Variants in OTOG observed in about 807,000 individuals in gnomAD.
OTOG encodes the protein otogelin.
In OTOG, 296 loss-of-function variants were observed where a neutral mutation model predicts 313.8. That is an observed-to-expected ratio of 0.94 (90% CI 0.86 to 1.04). OTOG has a LOEUF of 1.04. Among genes scored for constraint, OTOG ranks in the 50% least tolerant of loss-of-function variants. The probability of loss-of-function intolerance (pLI) is 0.00; values close to 1 mark genes in which losing one functional copy is unlikely to be tolerated. For synonymous variants in OTOG, 1,533 were observed against 1,554.9 expected (o/e 0.99, Z 0.33); for missense variants, 3,948 against 3,840.1 (o/e 1.03, Z -0.74).
At chr11:17,604,893 G>A (rs1466989553) in intron 32 of OTOG, among the ~76,000 whole-genome samples, 1 of 152,260 alleles carries the variant, frequency 6.6e-6, no homozygotes, top group Non-Finnish European at 1.5e-5. Flanking sequence ...TAACATGGAT[G>A]AAGCCAGTCT....
intron 32 of OTOG, among the ~76,000 whole-genome samples, 184 bp downstream of exon 32, chr11:17,602,561 A>C (rs552309833): frequency 6.6e-6 from 1 of 152,190 alleles, no homozygotes; most frequent in South Asian, 2.1e-4. Flanking sequence ...GATGCTCTCC[A>C]TCTGCTCCCC....
Position 17,608,400 on chromosome 11 carries a change from C to A in OTOG, c.4261C>A (p.Arg1421=). The change falls in exon 34 of 56, where the codon CGG becomes AGG. Residue 1421 remains arginine (R), a synonymous_variant. Coordinates refer to ENST00000399397, the MANE Select transcript of OTOG (RefSeq NM_001292063.2). ...CCGGGACCCACGGGCAGCCAGCTGC[C>A]GGGACGTACCCAGGTGAGATGCCAG... ...TCRDPRAASC[R]DVPRVEGCVP... 1 of 1,541,398 alleles carries A rather than the reference C, an allele frequency of 6.5e-7. No homozygotes were observed. Among genetic ancestry groups the A allele is most frequent in the South Asian group, 1.2e-5 (1 of 82,162 alleles).
chr11:17,643,858 G>A (rs536571931), intron 54 of OTOG, among the ~76,000 whole-genome samples: 3 of 152,152 alleles, frequency 2.0e-5, no homozygotes, highest in South Asian at 2.1e-4. Context: ...AAATTCTCCC[G>A]TAGTCAGACG....
At chr11:17,551,039 A>G (rs1851919799) in intron 3 of OTOG, among the ~76,000 whole-genome samples, 1 of 151,986 alleles carries the variant, frequency 6.6e-6, no homozygotes, top group Non-Finnish European at 1.5e-5. Context: ...CATGTGAGGT[A>G]AATACCCACA....
At chr11:17,631,378 C>CTG (rs1554978367) in intron 40 of OTOG, among the ~76,000 whole-genome samples, 33 of 128,864 alleles carry the variant, frequency 2.6e-4, no homozygotes, top group South Asian at 1.6e-3. Context: ...CTCTCTCTCT[C>CTG]TGTGTGTGTG....
rs1199341764 is a variant in OTOG at position 17,573,142 on chromosome 11, C to G, written c.2145C>G (p.Phe715Leu). 21 of 1,546,406 alleles carry G rather than the reference C, an allele frequency of 1.4e-5. No homozygotes were observed. In the East Asian group the frequency reaches 4.9e-4, roughly 36 times the overall value. The change falls in exon 19 of 56, where the codon TTC becomes TTG. Residue 715 changes from phenylalanine to leucine, a missense_variant. Transcript: ENST00000399397. ...TGEMFAPCSA[F>L]LSPVPYFEQC... is the part of the protein sequence containing the mutation. ...AGATGTTTGCGCCCTGCTCTGCGTTCCTGAGCCCCGTGCCCTACTTTGAGC... is the reference window on the plus strand; with the variant it reads ...AGATGTTTGCGCCCTGCTCTGCGTTGCTGAGCCCCGTGCCCTACTTTGAGC...
At chr11:17,560,881 G>A in intron 13 of OTOG, 64 bp downstream of exon 13, 1 of 1,392,648 alleles carries the variant, frequency 7.2e-7, no homozygotes, top group Non-Finnish European at 1.0e-6. Flanking sequence ...CACGAGGGCT[G>A]CCCATCTGGG....
At chr11:17,555,753 A>G in intron 6 of OTOG, 26 bp from the exon 7 acceptor site, 1 of 1,540,190 alleles carries the variant, frequency 6.5e-7, no homozygotes, top group Non-Finnish European at 8.8e-7. Flanking sequence ...GGAGCCTGCA[A>G]ACCAGCCTCT....
rs7937114 is a variant in OTOG, at chr11:17,611,569, C to A, written c.6123+146C>A. 5,041 of 916,950 alleles carry A rather than the reference C, an allele frequency of 5.5e-3. 149 individuals are homozygous for A. The African/African-American group carries it at 0.068, about 12-fold the overall frequency. The allele number at this position is 916,950 out of a possible 1,614,324, so 56.8% of individuals were successfully genotyped here. ...GAAAAATTCTTCAGTCTCCTATTGG[C>A]CCCTGATGCCATAGCAGGGTTCCGC... On this transcript the variant is annotated intron_variant, in intron 36 of 55. Coordinates refer to ENST00000399397, the MANE Select transcript of OTOG (RefSeq NM_001292063.2).
In OTOG at chr11:17,633,445, A is replaced by G. The variant is rs1170618957; in HGVS notation, c.7073-235A>G. On this transcript the variant is annotated intron_variant, in intron 42 of 55. Coordinates refer to ENST00000399397, the MANE Select transcript of OTOG (RefSeq NM_001292063.2). The stretch of plus-strand genomic sequence containing the variant: ...TGAACAGGCATGGCTGTGTTCCAAT[A>G]AAACTTTATTTGTGAAAACAGACAG... 4.2e-4 allele frequency among the ~76,000 whole-genome samples: 64 copies of G among 152,242 alleles called. 1 individual carries two copies. Among genetic ancestry groups the G allele is most frequent in the Non-Finnish European group, 4.4e-5 (3 of 68,044 alleles).
At chr11:17,614,134 G>C (rs985766522) in intron 39 of OTOG, among the ~76,000 whole-genome samples, 2 of 152,132 alleles carry the variant, frequency 1.3e-5, no homozygotes, top group Non-Finnish European at 2.9e-5. Flanking sequence ...GGAGGCCGGG[G>C]TATCCAACAA....
In OTOG at chr11:17,576,592, T is replaced by A; in HGVS notation, c.2523T>A (p.Tyr841Ter). ...QCSCHFQGVD[Y>*]PPGDSDIPSL... ...CCTGCCACTTCCAGGGAGTGGACTA[T>A]CCCCCCGGAGACAGTGACATCCCAT... The change falls in exon 21 of 56, where the codon TAT (tyrosine) becomes TAA (stop). Residue 841 changes from tyrosine (Y) to a stop codon, truncating the protein, a stop_gained. Coordinates refer to ENST00000399397, the MANE Select transcript of OTOG (RefSeq NM_001292063.2). LOFTEE classifies it high-confidence loss of function. 6.4e-7 allele frequency: 1 copy of A among 1,550,434 alleles called. No homozygotes were observed.
intron 32 of OTOG, among the ~76,000 whole-genome samples, chr11:17,602,743 T>TAC (rs1853285783): frequency 6.6e-6 from 1 of 152,024 alleles, no homozygotes; most frequent in Non-Finnish European, 1.5e-5. Flanking sequence ...TCTCTTCCCT[T>TAC]TCTCCCTCTA....
chr11:17,612,734 T>A lies in OTOG; in HGVS notation c.6407T>A (p.Val2136Asp). ...LSQSPDEMLTVHVLDCKSANL... is the reference protein window; with the variant it reads ...LSQSPDEMLTDHVLDCKSANL... Reference sequence around the variant, plus strand: ...CAGAGCCCAGATGAAATGCTCACCGTCCATGTACTGGACTGCAAAAGTGCC... The same window carrying A: ...CAGAGCCCAGATGAAATGCTCACCGACCATGTACTGGACTGCAAAAGTGCC... Residue 2136 changes from valine to aspartate, a missense_variant, in exon 38 of 56, where the codon GTC becomes GAC. Coordinates refer to ENST00000399397, the MANE Select transcript of OTOG (RefSeq NM_001292063.2). 1 of 1,550,572 alleles carries A rather than the reference T, an allele frequency of 6.4e-7. No individual in the cohort carries two copies. The highest frequency in any genetic ancestry group is 8.7e-7 in the Non-Finnish European group (1 of 1,146,974).
chr11:17,608,250 T>C (rs1853436991), intron 33 of OTOG, 46 bp from the exon 34 acceptor site: 1 of 1,320,642 alleles, frequency 7.6e-7, no homozygotes, highest in Admixed American at 2.5e-5. Context: ...GGACTCCCTC[T>C]GTGTCTTCAC....
Position 17,609,950 on chromosome 11 carries a change from C to T in OTOG, c.4650C>T (p.Ala1550=), listed in dbSNP as rs1181684867. The T allele has an allele frequency of 1.4e-5, 22 of 1,541,788 alleles. No individual in the cohort carries two copies. Among genetic ancestry groups the T allele is most frequent in the Non-Finnish European group, 1.8e-5 (20 of 1,141,746 alleles). ...CCGCCGGCCCCACGGAGTCCCCAGC[C>T]AGCAAGGGAGTGACTGCCAGCCTCC... ...QLPAGPTESP[A]SKGVTASLLA... is the part of the protein sequence containing the mutation. The change falls in exon 36 of 56, where the codon GCC becomes GCT. Residue 1550 remains alanine, a synonymous_variant. Transcript: ENST00000399397.
At chr11:17,574,645 C>A in intron 19 of OTOG, 75 bp from the exon 20 acceptor site, 2 of 1,376,728 alleles carry the variant, frequency 1.5e-6, no homozygotes, top group Non-Finnish European at 2.0e-6. Flanking sequence ...TTCTCCTCAT[C>A]AGAATGACAG....
At chr11:17,604,448 A>G (rs1398843605) in intron 32 of OTOG, among the ~76,000 whole-genome samples, 1 of 152,202 alleles carries the variant, frequency 6.6e-6, no homozygotes, top group Non-Finnish European at 1.5e-5. Flanking sequence ...CCACGCCTGC[A>G]TCCCATGGGT....
intron 40 of OTOG, among the ~76,000 whole-genome samples, chr11:17,630,577 C>A (rs568020126): frequency 6.6e-6 from 1 of 152,206 alleles, no homozygotes; most frequent in East Asian, 1.9e-4. Flanking sequence ...AGCTGGGCAC[C>A]CTGCTAGACA....
Sources: allele counts gnomAD v4.1 joint callset (sites outside exome capture counted in the v4.1 genomes callset), GRCh38; gene constraint gnomAD v4.1.1; transcripts MANE v1.5; gene names NCBI Gene and HGNC (gene_info 2026-07-23, HGNC 2026-07-21).